Variants in SGCZ observed in about 807,000 individuals in gnomAD.
The protein encoded by SGCZ is sarcoglycan zeta.
In SGCZ, 40 loss-of-function variants were observed where a neutral mutation model predicts 41.3. The observed-to-expected ratio is 0.97, with a 90% confidence interval of 0.75 to 1.26. The LOEUF is 1.26. Ranked by LOEUF, SGCZ falls within the 50% of genes most tolerant of loss-of-function variation. The pLI is 0.00. For missense variants in SGCZ, 552 were observed against 369.8 expected (o/e 1.49, Z -4.04); for synonymous variants, 206 against 137.5 (o/e 1.50, Z -3.49).
At chr8:14,340,031 A>G (rs1376871394) in intron 2 of SGCZ, among the ~76,000 whole-genome samples, 1 of 152,134 alleles carries the variant, frequency 6.6e-6, no homozygotes, top group African/African-American at 2.4e-5. Context: ...TCAGCTGACA[A>G]ACAGAATGAC....
chr8:14,434,061 G>C (rs180925898), intron 2 of SGCZ, among the ~76,000 whole-genome samples: 6 of 152,232 alleles, frequency 3.9e-5, no homozygotes, highest in African/African-American at 1.2e-4. Flanking sequence ...GTGTAGAAGG[G>C]TTTTTCCGAT....
At chr8:14,362,980 A>G (rs1367025500) in intron 2 of SGCZ, among the ~76,000 whole-genome samples, 1 of 152,308 alleles carries the variant, frequency 6.6e-6, no homozygotes, top group African/African-American at 2.4e-5. Flanking sequence ...ATGACTTTAC[A>G]GATTTTTTTC....
At chr8:14,356,904 A>G (rs1209622068) in intron 2 of SGCZ, among the ~76,000 whole-genome samples, 4 of 152,068 alleles carry the variant, frequency 2.6e-5, no homozygotes, top group Non-Finnish European at 4.4e-5. Context: ...ATATTTTAGA[A>G]TAAGTATTAT....
At chr8:14,886,593 T>G (rs1008363448) in intron 1 of SGCZ, among the ~76,000 whole-genome samples, 1 of 151,984 alleles carries the variant, frequency 6.6e-6, no homozygotes, top group African/African-American at 2.4e-5. Flanking sequence ...TGGGGAAAAG[T>G]GTCCCTGGCA....
chr8:14,422,081 AG>A (rs2117308630), intron 2 of SGCZ, among the ~76,000 whole-genome samples: 1 of 152,276 alleles, frequency 6.6e-6, no homozygotes, highest in African/African-American at 2.4e-5. Context: ...ACAAATGCAA[AG>A]TCTTAACAAA....
In SGCZ at chr8:14,237,752, T is replaced by C. The variant is rs928813367; in HGVS notation, c.337-73A>G. The C allele has an allele frequency of 2.2e-6, 3 of 1,350,272 alleles. No homozygotes were observed. The African/African-American group carries it at 4.4e-5, about 20-fold the overall frequency. The allele number at this position is 1,350,272 out of a possible 1,614,324, so 83.6% of individuals were successfully genotyped here. A position where few individuals can be genotyped will look rare whatever the true frequency, so the allele number is the denominator to read the frequency against. On this transcript the variant is annotated intron_variant, in intron 3 of 7. Transcript: ENST00000382080. ...AAATTTACAAAAAAATATACTGCAT[T>C]TGTTTGGATATTCTGAAAAATTTAA...
intron 6 of SGCZ, among the ~76,000 whole-genome samples, chr8:14,104,293 G>C (rs1179884099): frequency 1.3e-5 from 2 of 151,966 alleles, no homozygotes; most frequent in Non-Finnish European, 2.9e-5. Flanking sequence ...TTTCACAGTG[G>C]GTACCTGGGA....
intron 4 of SGCZ, among the ~76,000 whole-genome samples, chr8:14,198,803 G>T (rs748535381): frequency 1.2e-4 from 18 of 152,106 alleles, no homozygotes; most frequent in Non-Finnish European, 2.4e-4. Context: ...AATTTCTTAT[G>T]CCTGTCTTTA....
At chr8:15,127,580 C>T (rs1427225890) in intron 1 of SGCZ, among the ~76,000 whole-genome samples, 1 of 152,012 alleles carries the variant, frequency 6.6e-6, no homozygotes, top group Non-Finnish European at 1.5e-5. Context: ...CAAAACAAAA[C>T]AAGATTTTTC....
chr8:15,164,337 C>T (rs1474482361), intron 1 of SGCZ, among the ~76,000 whole-genome samples: 1 of 152,084 alleles, frequency 6.6e-6, no homozygotes, highest in Admixed American at 6.5e-5. Context: ...ACAGGACCCA[C>T]CGGTGAGCAG....
At chr8:15,022,513 T>A (rs1803292394) in intron 1 of SGCZ, among the ~76,000 whole-genome samples, 1 of 152,022 alleles carries the variant, frequency 6.6e-6, no homozygotes, top group African/African-American at 2.4e-5. Flanking sequence ...CCAGCTAATT[T>A]TTGTATTTTT....
At chr8:14,853,428 A>G (rs1343695627) in intron 1 of SGCZ, 2 of 531,944 alleles carry the variant, frequency 3.8e-6, no homozygotes, top group Non-Finnish European at 7.7e-6. Context: ...GGTAAAGGCT[A>G]GGACACTTGC....
chr8:14,166,627 G>GCTGA (rs1804219870), intron 4 of SGCZ, among the ~76,000 whole-genome samples: 1 of 151,916 alleles, frequency 6.6e-6, no homozygotes, highest in Non-Finnish European at 1.5e-5. Flanking sequence ...AAAATATATC[G>GCTGA]CTGACTTTAA....
intron 1 of SGCZ, among the ~76,000 whole-genome samples, chr8:14,915,693 C>G (rs575014375): frequency 6.6e-6 from 1 of 152,238 alleles, no homozygotes; most frequent in Admixed American, 6.5e-5. Context: ...GTGTTCCCTT[C>G]GTAGTAAATC....
chr8:14,337,724 C>T (rs73664307), intron 2 of SGCZ, among the ~76,000 whole-genome samples: 1,841 of 152,136 alleles, frequency 0.012, 37 homozygotes, highest in African/African-American at 0.037. Context: ...ATTATCAAGG[C>T]CATTAAAAAT....
At chr8:14,814,686 T>C (rs185263817) in intron 1 of SGCZ, among the ~76,000 whole-genome samples, 37 of 152,174 alleles carry the variant, frequency 2.4e-4, no homozygotes, top group Non-Finnish European at 4.6e-4. Context: ...AGGTAGGAAC[T>C]TGGAGAATTT....
At chr8:14,713,116 A>G (rs1424582719) in intron 1 of SGCZ, among the ~76,000 whole-genome samples, 1 of 152,204 alleles carries the variant, frequency 6.6e-6, no homozygotes, top group Non-Finnish European at 1.5e-5. Flanking sequence ...ATTTAAATAA[A>G]TTAGCTATGA....
chr8:14,285,962 G>A (rs11775244), intron 3 of SGCZ, among the ~76,000 whole-genome samples: 7,603 of 152,110 alleles, frequency 0.05, 200 homozygotes, highest in Middle Eastern at 0.11. Context: ...TTTTGGTTTT[G>A]TATAATAATG....
chr8:14,773,209 G>A (rs955010703), intron 1 of SGCZ, among the ~76,000 whole-genome samples: 4 of 152,034 alleles, frequency 2.6e-5, no homozygotes, highest in Non-Finnish European at 4.4e-5. Context: ...TGTGTCTTTT[G>A]GCTGCATAAA....
Sources: allele counts gnomAD v4.1 joint callset (sites outside exome capture counted in the v4.1 genomes callset), GRCh38; gene constraint gnomAD v4.1.1; transcripts MANE v1.5; gene names NCBI Gene and HGNC (gene_info 2026-07-23, HGNC 2026-07-21).